The following ERMP1 variants were observed in gnomAD, a reference collection of about 807,000 sequenced individuals.
The protein encoded by ERMP1 is endoplasmic reticulum metallopeptidase 1.
A neutral mutation model predicts 92.0 loss-of-function variants in ERMP1; 86 were observed. The observed-to-expected ratio is 0.93, with a 90% confidence interval of 0.79 to 1.12. The LOEUF is 1.12. Among genes scored for constraint, ERMP1 ranks in the 50% most tolerant of loss-of-function variants. The pLI is 0.00. For synonymous variants in ERMP1, 530 were observed against 412.8 expected (o/e 1.28, Z -3.44); for missense variants, 1,342 against 1,116.3 (o/e 1.20, Z -2.88).
At position 5,833,089 on chromosome 9, in the gene ERMP1, ACGCCGCCGT is replaced by A. The variant is rs908668915; in HGVS notation, c.-71_-63del. ...CCCGCGACAGCCCCGGCCGCCGCCG[ACGCCGCCGT>A]CGCTGCCGCAGCGCCTCCTAGTGAG... On this transcript the variant is annotated 5_prime_UTR_variant, in exon 1 of 15. Coordinates refer to ENST00000339450, the MANE Select transcript of ERMP1 (RefSeq NM_024896.3). 2.2e-6 allele frequency: 3 copies of A among 1,352,328 alleles called. No homozygotes were observed. Among genetic ancestry groups the A allele is most frequent in the South Asian group, 1.7e-5 (1 of 59,682 alleles). 83.8% of individuals were successfully genotyped at this position (1,352,328 alleles called of 1,614,324 possible). A position where few individuals can be genotyped will look rare whatever the true frequency, so the allele number is the denominator to read the frequency against.
At chr9:5,862,056 G>T (rs542420590) in intron 5 of ERMP1, among the ~76,000 whole-genome samples, 18 of 151,786 alleles carry the variant, frequency 1.2e-4, no homozygotes, top group Non-Finnish European at 1.6e-4. Flanking sequence ...TTGAGACAGG[G>T]TCTCCTTCTG....
upstream of ERMP1, among the ~76,000 whole-genome samples, chr9:5,834,952 A>AGAT (rs1460951700): frequency 5.0e-4 from 38 of 76,660 alleles, no homozygotes; most frequent in South Asian, 1.8e-3. Context: ...TTAGATAGAT[A>AGAT]GACAGATGAT....
chr9:5,861,170 GGTGTGTGTGTGTGTGT>G (rs35593711), intron 5 of ERMP1, among the ~76,000 whole-genome samples: 48 of 102,140 alleles, frequency 4.7e-4, no homozygotes, highest in Middle Eastern at 4.3e-3. Flanking sequence ...TGGCTTAGGG[GGTGTGTGTGTGTGTGT>G]GTGTGTGTGT....
At chr9:5,847,337 C>G (rs747098147) in intron 6 of ERMP1, among the ~76,000 whole-genome samples, 24 of 152,052 alleles carry the variant, frequency 1.6e-4, no homozygotes, top group Non-Finnish European at 3.4e-4. Context: ...CTCCTGGGCT[C>G]AAACGATCCT....
At position 5,787,466 on chromosome 9, in the gene ERMP1, G is replaced by C. The variant is rs1404518747; in HGVS notation, c.2514C>G (p.Leu838=). ...GDYFVFYSHG[L]QASAWQFWIE... is the part of the protein sequence containing the mutation. ...TCCAGAACTGCCATGCAGAGGCCTG[G>C]AGTCCATGGGAGTAAAAGACAAAGT... The change falls in exon 14 of 15, where the codon CTC becomes CTG. Residue 838 remains leucine (L), a synonymous_variant. Transcript: ENST00000339450. 1.2e-6 allele frequency: 2 copies of C among 1,614,058 alleles called. No individual in the cohort carries two copies. The highest frequency in any genetic ancestry group is 1.7e-6 in the Non-Finnish European group (2 of 1,179,970).
intron 2 of ERMP1, among the ~76,000 whole-genome samples, chr9:5,826,119 G>C (rs887922860): frequency 1.3e-5 from 2 of 152,188 alleles, no homozygotes; most frequent in Admixed American, 1.3e-4. Context: ...GAAGTTGGGA[G>C]GGTAGTGGTA....
At chr9:5,827,089 A>G (rs1829755892) in intron 2 of ERMP1, among the ~76,000 whole-genome samples, 1 of 152,238 alleles carries the variant, frequency 6.6e-6, no homozygotes, top group Non-Finnish European at 1.5e-5. Flanking sequence ...CTGGAACCAC[A>G]CAGCAAACTC....
rs374557680 is a variant in ERMP1 at position 5,829,884 on chromosome 9, G to T, written c.640+843C>A. ...CCTATTTACAATCCCTTTAACCACT[G>T]AATACAATTTTCTGAAAAATAAATA... On this transcript the variant is annotated intron_variant, in intron 2 of 14. Transcript: ENST00000339450. 2.8e-4 allele frequency among the ~76,000 whole-genome samples: 42 copies of T among 152,214 alleles called. No homozygotes were observed. In the South Asian group the frequency reaches 7.9e-3, roughly 29 times the overall value.
At chr9:5,814,461 G>A (rs1364103720) in intron 4 of ERMP1, among the ~76,000 whole-genome samples, 1 of 152,162 alleles carries the variant, frequency 6.6e-6, no homozygotes, top group Non-Finnish European at 1.5e-5. Context: ...AAATGACCAA[G>A]GCTGGGTGCA....
intron 6 of ERMP1, among the ~76,000 whole-genome samples, chr9:5,851,595 A>G (rs370323180): frequency 5.3e-5 from 8 of 152,308 alleles, no homozygotes; most frequent in African/African-American, 1.9e-4. Flanking sequence ...CCTGCTTATT[A>G]TAACCATTTC....
At chr9:5,854,306 T>C (rs1830345131) in intron 6 of ERMP1, among the ~76,000 whole-genome samples, 1 of 152,028 alleles carries the variant, frequency 6.6e-6, no homozygotes, top group African/African-American at 2.4e-5. Context: ...AAATAAAGAT[T>C]TTGCTTTCTC....
At position 5,810,023 on chromosome 9, in the gene ERMP1, T is replaced by C. The variant is rs1015419609; in HGVS notation, c.1536A>G (p.Arg512=). 6.2e-6 allele frequency: 10 copies of C among 1,603,832 alleles called. No homozygotes were observed. Among genetic ancestry groups the C allele is most frequent in the African/African-American group, 1.3e-5 (1 of 74,700 alleles). Residue 512 remains arginine (R), a synonymous_variant, in exon 8 of 15, where the codon AGA becomes AGG. Coordinates refer to ENST00000339450, the MANE Select transcript of ERMP1 (RefSeq NM_024896.3). ...ACCAAACACTTACCATGTAATAAAATCTTTTCGCAAGAGTATGTATAAGTA... is the reference window on the plus strand; with the variant it reads ...ACCAAACACTTACCATGTAATAAAACCTTTTCGCAAGAGTATGTATAAGTA... ...KIILIHTLAK[R]FYYMNASAQY... is the part of the protein sequence containing the mutation.
At chr9:5,834,178 C>G (rs1424023956), upstream of ERMP1, among the ~76,000 whole-genome samples, 2 of 152,210 alleles carry the variant, frequency 1.3e-5, no homozygotes, top group African/African-American at 4.8e-5. Flanking sequence ...ACTTCCTGCA[C>G]GCATCTTTCC....
At chr9:5,839,771 C>T (rs1441946171) in intron 6 of ERMP1, among the ~76,000 whole-genome samples, 1 of 152,162 alleles carries the variant, frequency 6.6e-6, no homozygotes, top group Non-Finnish European at 1.5e-5. Context: ...TCTGCAGCTG[C>T]TGCTTTCCAA....
intron 2 of ERMP1, among the ~76,000 whole-genome samples, 195 bp from the exon 3 acceptor site, chr9:5,825,414 G>C (rs982271409): frequency 2.6e-5 from 4 of 152,168 alleles, no homozygotes; most frequent in African/African-American, 9.7e-5. Flanking sequence ...TGTCTGGTTT[G>C]CTCACTGACT....
At chr9:5,817,462 T>A (rs915293444) in intron 4 of ERMP1, among the ~76,000 whole-genome samples, 5 of 152,350 alleles carry the variant, frequency 3.3e-5, no homozygotes, top group African/African-American at 1.2e-4. Flanking sequence ...AGTGCTGGGA[T>A]TACAGGCGTA....
chr9:5,844,604 G>A (rs1218418374), intron 6 of ERMP1, among the ~76,000 whole-genome samples: 1 of 152,142 alleles, frequency 6.6e-6, no homozygotes, highest in Non-Finnish European at 1.5e-5. Flanking sequence ...CAATCTTTGT[G>A]AGAACTAAAG....
rs747248423 is a variant in ERMP1, at chr9:5,833,094, G to A, written c.-67C>T. 7 of 1,321,580 alleles carry A rather than the reference G, an allele frequency of 5.3e-6. No homozygotes were observed. The South Asian group carries it at 1.0e-4, about 19-fold the overall frequency. The allele number at this position is 1,321,580 out of a possible 1,614,324, so 81.9% of individuals were successfully genotyped here. On this transcript the variant is annotated 5_prime_UTR_variant, in exon 1 of 15. Coordinates refer to ENST00000339450, the MANE Select transcript of ERMP1 (RefSeq NM_024896.3). ...GACAGCCCCGGCCGCCGCCGACGCC[G>A]CCGTCGCTGCCGCAGCGCCTCCTAG...
chr9:5,809,973 G>A (rs749684686), intron 8 of ERMP1, 38 bp downstream of exon 8: 1 of 1,370,864 alleles, frequency 7.3e-7, no homozygotes, highest in East Asian at 2.3e-5. Context: ...GTCCCTGGAG[G>A]CAACAGAAAG....
Sources: gnomAD v4.1 joint callset for allele counts (sites outside exome capture counted in the v4.1 genomes callset) on GRCh38, gnomAD v4.1.1 for gene constraint, MANE v1.5 for transcripts, NCBI Gene and HGNC (gene_info 2026-07-23, HGNC 2026-07-21) for gene names.